TSR2: variants seen among roughly 807,000 people sequenced by gnomAD.
TSR2 encodes the protein TSR2 ribosome maturation factor, also known as pre-rRNA-processing protein TSR2 homolog.
In TSR2, 1 loss-of-function variant was observed where a neutral mutation model predicts 13.3. The observed-to-expected ratio is 0.08, with a 90% CI of 0.03 to 0.36. The LOEUF is 0.36. TSR2 is among the 10% of genes least tolerant of loss of function. The probability of loss-of-function intolerance (pLI) is 0.99; values close to 1 mark genes in which losing one functional copy is unlikely to be tolerated. For missense variants in TSR2, 120 were observed against 151.1 expected (o/e 0.79, Z 1.08); for synonymous variants, 60 against 57.7 (o/e 1.04, Z -0.18).
rs1922099817 is a variant in TSR2 at position 54,445,278 on chromosome X, A to T, written c.*728A>T. 9.1e-6 allele frequency: 1 copy of T among 110,320 alleles called. No individual in the cohort carries two copies. Among genetic ancestry groups the T allele is most frequent in the African/African-American group, 3.3e-5 (1 of 30,280 alleles). The allele number at this position is 110,320 out of a possible 1,213,427, so 9.1% of individuals were successfully genotyped here. A position where few individuals can be genotyped will look rare whatever the true frequency, so the allele number is the denominator to read the frequency against. On this transcript the variant is annotated 3_prime_UTR_variant, in exon 5 of 5. Transcript: ENST00000375151. ...AGGGGTGAGGCTTAAGATCTTAATAAATAATACCTTACTGCTTAATCTGTG... is the reference window on the plus strand; with the variant it reads ...AGGGGTGAGGCTTAAGATCTTAATATATAATACCTTACTGCTTAATCTGTG...
In TSR2 at chrX:54,443,497, C is replaced by T; in HGVS notation, c.264+6C>T. 3.4e-6 allele frequency: 4 copies of T among 1,172,163 alleles called. No homozygotes were observed. The highest frequency in any genetic ancestry group is 4.6e-6 in the Non-Finnish European group (4 of 867,862). On this transcript the variant is annotated splice_donor_region_variant and intron_variant, in intron 3 of 4. Coordinates refer to ENST00000375151, the MANE Select transcript of TSR2 (RefSeq NM_058163.3). ...AAGACGGGAGTCTGCCCCAGGTGAG[C>T]TTATCACGGGCACAACTGCAGTCTC...
rs992737386 is a variant in TSR2, at chrX:54,444,065, C to A, written c.322C>A (p.Leu108Met). The A allele has an allele frequency of 1.7e-6, 2 of 1,211,524 alleles. No individual in the cohort carries two copies. Among genetic ancestry groups the A allele is most frequent in the African/African-American group, 3.5e-5 (2 of 57,703 alleles). The stretch of plus-strand genomic sequence containing the variant: ...CTTCCAGAGGGGTGATGGGGCTGCT[C>A]TGAGGGAGATGGCCTCCTGCATCAC... ...HHFQRGDGAA[L>M]REMASCITQR... The change falls in exon 4 of 5, where the codon CTG becomes ATG. Residue 108 changes from leucine to methionine, a missense_variant. Leu to Met is a conservative substitution (Grantham distance 15). This residue lies in a region of TSR2 where 12 missense variants were observed against 37.5 expected (regional missense o/e 0.32). Transcript: ENST00000375151.
rs1922156587 is a variant in TSR2 at position 54,446,129 on chromosome X, G to A, written c.*1579G>A. 8.3e-7 allele frequency: 1 copy of A among 1,208,582 alleles called. No homozygotes were observed. The highest frequency in any genetic ancestry group is 1.1e-6 in the Non-Finnish European group (1 of 893,801). Reference sequence around the variant, plus strand: ...ACCCTCTAGGTCTTGTCTCGGGTCTGGGGGGATTCGGGGGGTTCAGCAGTG... The same window carrying A: ...ACCCTCTAGGTCTTGTCTCGGGTCTAGGGGGATTCGGGGGGTTCAGCAGTG... On this transcript the variant is annotated 3_prime_UTR_variant, in exon 5 of 5. Transcript: ENST00000375151.
Position 54,446,468 on chromosome X carries a change from G to T in TSR2, c.*1918G>T. 9.0e-7 allele frequency: 1 copy of T among 1,110,686 alleles called. No individual in the cohort carries two copies. Among genetic ancestry groups the T allele is most frequent in the Non-Finnish European group, 1.2e-6 (1 of 818,513 alleles). 91.5% of individuals were successfully genotyped at this position (1,110,686 alleles called of 1,213,427 possible). On this transcript the variant is annotated 3_prime_UTR_variant, in exon 5 of 5. Coordinates refer to ENST00000375151, the MANE Select transcript of TSR2 (RefSeq NM_058163.3). ...CACCTTGGGGCTAGACCTTTCCCCC[G>T]CCCCAGCTTCTAACTGGTTTTGCAT...
In TSR2 at chrX:54,444,636, C is replaced by T. The variant is rs1922057092; in HGVS notation, c.*86C>T. 2.1e-6 allele frequency: 2 copies of T among 973,843 alleles called. No homozygotes were observed. The highest frequency in any genetic ancestry group is 2.8e-6 in the Non-Finnish European group (2 of 715,490). The allele number at this position is 973,843 out of a possible 1,213,427, so 80.3% of individuals were successfully genotyped here. ...GGTTTTTTTTTTGAGGATTGCAGAC[C>T]TGTGGACTGGTTACCCCATCTCCAC... On this transcript the variant is annotated 3_prime_UTR_variant, in exon 5 of 5. Coordinates refer to ENST00000375151, the MANE Select transcript of TSR2 (RefSeq NM_058163.3).
At chrX:54,443,590 G>T in intron 3 of TSR2, 99 bp downstream of exon 3, 1 of 600,926 alleles carries the variant, frequency 1.7e-6, no homozygotes. Flanking sequence ...TGACTCTGTT[G>T]CCTAGAGGAA....
chrX:54,445,919 A>C lies in TSR2; in HGVS notation c.*1369A>C. Reference sequence around the variant, plus strand: ...AATAAAAATTGACATCACTGTAGGAATATATTTTTTAAAAGCCCACGTTTT... The same window carrying C: ...AATAAAAATTGACATCACTGTAGGACTATATTTTTTAAAAGCCCACGTTTT... On this transcript the variant is annotated 3_prime_UTR_variant, in exon 5 of 5. Coordinates refer to ENST00000375151, the MANE Select transcript of TSR2 (RefSeq NM_058163.3). 2.3e-6 allele frequency: 1 copy of C among 437,389 alleles called. No individual in the cohort carries two copies. The allele number at this position is 437,389 out of a possible 1,213,427, so 36.0% of individuals were successfully genotyped here.
Position 54,446,239 on chromosome X carries a change from G to A in TSR2, c.*1689G>A. 1 of 1,211,613 alleles carries A rather than the reference G, an allele frequency of 8.3e-7. No individual in the cohort carries two copies. Among genetic ancestry groups the A allele is most frequent in the Non-Finnish European group, 1.1e-6 (1 of 895,363 alleles). ...CGGGCAGAACGTGTCCCCTCGGCCCGCCCGGCCAAGCACAGCCATCCAGCG... is the reference window on the plus strand; with the variant it reads ...CGGGCAGAACGTGTCCCCTCGGCCCACCCGGCCAAGCACAGCCATCCAGCG... On this transcript the variant is annotated 3_prime_UTR_variant, in exon 5 of 5. Transcript: ENST00000375151.
At chrX:54,443,853 A>C (rs1385646933) in intron 3 of TSR2, among the ~76,000 whole-genome samples, 155 bp from the exon 4 acceptor site, 1 of 112,233 alleles carries the variant, frequency 8.9e-6, no homozygotes, top group Non-Finnish European at 1.9e-5. Context: ...TGAGCCCTTC[A>C]TATGTGGTTG....
At position 54,447,058 on chromosome X, in the gene TSR2, C is replaced by T. The variant is rs1366043574; in HGVS notation, c.*2508C>T. Among the ~76,000 whole-genome samples, 3 of 111,547 alleles carry T rather than the reference C, an allele frequency of 2.7e-5. No homozygotes were observed. Among genetic ancestry groups the T allele is most frequent in the Non-Finnish European group, 5.7e-5 (3 of 53,095 alleles). On this transcript the variant is annotated 3_prime_UTR_variant, in exon 5 of 5. Coordinates refer to ENST00000375151, the MANE Select transcript of TSR2 (RefSeq NM_058163.3). ...TACTCTTACCCACTCCAAATTGGAC[C>T]TAGCAGTTCCCCATCTCTACTCCTT...
chrX:54,447,015 C>T lies in TSR2; in HGVS notation c.*2465C>T, dbSNP rs1464945447. 1.8e-5 allele frequency among the ~76,000 whole-genome samples: 2 copies of T among 111,406 alleles called. No individual in the cohort carries two copies. The highest frequency in any genetic ancestry group is 3.8e-4 in the South Asian group (1 of 2,646). On this transcript the variant is annotated 3_prime_UTR_variant, in exon 5 of 5. Coordinates refer to ENST00000375151, the MANE Select transcript of TSR2 (RefSeq NM_058163.3). ...CTGGGATTACAGGCGTGAGCCACTG[C>T]GCTCGGTCCCATCTGCATACTCTTA...
rs756015125 is a variant in TSR2 at position 54,440,737 on chromosome X, C to T, written c.129C>T (p.Ala43=). 1 of 1,207,201 alleles carries T rather than the reference C, an allele frequency of 8.3e-7. No individual in the cohort carries two copies. The highest frequency in any genetic ancestry group is 3.0e-5 in the East Asian group (1 of 33,537). ...GGGGTGTGCACAGCCAGGAGAAGGC[C>T]AAGTGGCTGGGGGGTGCAGTGGAGG... The part of the protein sequence containing the change: ...GFGGVHSQEK[A]KWLGGAVEDY... Residue 43 remains alanine, a synonymous_variant, in exon 2 of 5, where the codon GCC becomes GCT. Coordinates refer to ENST00000375151, the MANE Select transcript of TSR2 (RefSeq NM_058163.3).
In TSR2 at chrX:54,446,581, C is replaced by A. The variant is rs1885963357; in HGVS notation, c.*2031C>A. ...TGTTATCAACAGGAACATGTCAGAA[C>A]TGGGGCTAAAATGCAGGCTGGTTTA... is the stretch of plus-strand genomic sequence containing the variant. On this transcript the variant is annotated 3_prime_UTR_variant, in exon 5 of 5. Coordinates refer to ENST00000375151, the MANE Select transcript of TSR2 (RefSeq NM_058163.3). Among the ~76,000 whole-genome samples, 1 of 111,488 alleles carries A rather than the reference C, an allele frequency of 9.0e-6. No homozygotes were observed. Among genetic ancestry groups the A allele is most frequent in the Admixed American group, 9.6e-5 (1 of 10,435 alleles).
In TSR2 at chrX:54,447,591, T is replaced by A; in HGVS notation, c.*3041T>A. 1 of 679,697 alleles carries A rather than the reference T, an allele frequency of 1.5e-6. No homozygotes were observed. Among genetic ancestry groups the A allele is most frequent in the Non-Finnish European group, 2.3e-6 (1 of 440,483 alleles). 56.0% of individuals were successfully genotyped at this position (679,697 alleles called of 1,213,427 possible). ...CTCAAGCTCAGGTGGCAGGAGTGAT[T>A]TGTCCAGTGCCACCCAGTGAATCAG... On this transcript the variant is annotated 3_prime_UTR_variant, in exon 5 of 5. Coordinates refer to ENST00000375151, the MANE Select transcript of TSR2 (RefSeq NM_058163.3).
Position 54,446,323 on chromosome X carries a change from T to C in TSR2, c.*1773T>C. ...CCAGCTGAGGTGGCTCTGGGTGATC[T>C]TGAAGACATGCCTTCTGTCAGGCCG... is the stretch of plus-strand genomic sequence containing the variant. On this transcript the variant is annotated 3_prime_UTR_variant, in exon 5 of 5. Coordinates refer to ENST00000375151, the MANE Select transcript of TSR2 (RefSeq NM_058163.3). The C allele has an allele frequency of 1.7e-6, 2 of 1,211,469 alleles. No homozygotes were observed. The highest frequency in any genetic ancestry group is 2.2e-6 in the Non-Finnish European group (2 of 895,234).
chrX:54,445,057 C>T lies in TSR2; in HGVS notation c.*507C>T, dbSNP rs959266213. ...CCTCTCCCTTACCCCACCCCACACA[C>T]ACGCAACAGCTCTGTACCCCTGCCC... On this transcript the variant is annotated 3_prime_UTR_variant, in exon 5 of 5. Transcript: ENST00000375151. 2 of 111,542 alleles carry T rather than the reference C, an allele frequency of 1.8e-5. No homozygotes were observed. The highest frequency in any genetic ancestry group is 3.7e-5 in the Non-Finnish European group (2 of 53,501). 9.2% of individuals were successfully genotyped at this position (111,542 alleles called of 1,213,427 possible).
chrX:54,445,802 A>C lies in TSR2; in HGVS notation c.*1252A>C. Reference sequence around the variant, plus strand: ...TTGTGGGGAACTGGGTGGAGGCAGGATCTGTGGTAGGGTATTGAGGGATGA... The same window carrying C: ...TTGTGGGGAACTGGGTGGAGGCAGGCTCTGTGGTAGGGTATTGAGGGATGA... On this transcript the variant is annotated 3_prime_UTR_variant, in exon 5 of 5. Transcript: ENST00000375151. The C allele has an allele frequency of 4.0e-6, 1 of 251,115 alleles. No homozygotes were observed. Among genetic ancestry groups the C allele is most frequent in the Non-Finnish European group, 6.9e-6 (1 of 144,589 alleles). 20.7% of individuals were successfully genotyped at this position (251,115 alleles called of 1,213,427 possible). A position where few individuals can be genotyped will look rare whatever the true frequency, so the allele number is the denominator to read the frequency against.
chrX:54,440,643 A>G (rs1921893689), intron 1 of TSR2, 47 bp from the exon 2 acceptor site: 8 of 1,176,780 alleles, frequency 6.8e-6, no homozygotes, highest in Non-Finnish European at 9.2e-6. Flanking sequence ...AGGCTACTCC[A>G]GGTCTGCTCC....
At position 54,446,618 on chromosome X, in the gene TSR2, C is replaced by A. The variant is rs1922190717; in HGVS notation, c.*2068C>A. On this transcript the variant is annotated 3_prime_UTR_variant, in exon 5 of 5. Transcript: ENST00000375151. ...TGCAGGCTGGTTTAAATACCTGTCT[C>A]CCCCCACCCCCGCCTCTTCTCACAA... is the stretch of plus-strand genomic sequence containing the variant. Among the ~76,000 whole-genome samples the A allele has an allele frequency of 9.1e-6, 1 of 109,785 alleles. No homozygotes were observed. The highest frequency in any genetic ancestry group is 1.9e-5 in the Non-Finnish European group (1 of 52,427).
Sources: gnomAD v4.1 joint callset for allele counts (sites outside exome capture counted in the v4.1 genomes callset) on GRCh38, gnomAD v4.1.1 for gene constraint, gnomAD v4.1.1 regional missense constraint, MANE v1.5 for transcripts, NCBI Gene and HGNC (gene_info 2026-07-23, HGNC 2026-07-21) for gene names.